The following ISX variants were observed in gnomAD, a reference collection of about 807,000 sequenced individuals.
ISX encodes the protein intestine specific homeobox, also known as intestine-specific homeobox.
In ISX, 15 loss-of-function variants were observed where a neutral mutation model predicts 16.9. The observed-to-expected ratio is 0.89, with a 90% CI of 0.59 to 1.36. ISX has a LOEUF of 1.36. ISX is among the 40% of genes most tolerant of loss of function. The pLI, the probability that ISX is intolerant of heterozygous loss-of-function variation, is 0.00. For synonymous variants in ISX, 125 were observed against 119.7 expected (o/e 1.04, Z -0.29); for missense variants, 316 against 306.1 (o/e 1.03, Z -0.24).
At chr22:35,078,689 A>G (rs1417875014) in intron 2 of ISX, among the ~76,000 whole-genome samples, 2 of 152,238 alleles carry the variant, frequency 1.3e-5, no homozygotes, top group African/African-American at 4.8e-5. Flanking sequence ...TGGATTAACA[A>G]CAAAAATGAG....
intron 2 of ISX, among the ~76,000 whole-genome samples, chr22:35,076,542 AG>A (rs1426940349): frequency 6.6e-6 from 1 of 152,126 alleles, no homozygotes; most frequent in Non-Finnish European, 1.5e-5. Context: ...AGCCTACAGG[AG>A]GGCTGCAAAG....
chr22:35,067,323 G>A lies in ISX; in HGVS notation c.229+7G>A, dbSNP rs915123650. The A allele has an allele frequency of 6.5e-7, 1 of 1,543,356 alleles. No homozygotes were observed. The highest frequency in any genetic ancestry group is 8.8e-7 in the Non-Finnish European group (1 of 1,138,436). On this transcript the variant is annotated splice_region_variant and intron_variant, in intron 2 of 4. Transcript: ENST00000404699. The stretch of plus-strand genomic sequence containing the variant: ...CCAAAGGACCAGCCCCAGGGTAAGT[G>A]TCTTCTGATCATTTCTTTCTGTTTC...
chr22:35,081,534 C>T (rs1226850340), intron 2 of ISX, among the ~76,000 whole-genome samples: 1 of 152,194 alleles, frequency 6.6e-6, no homozygotes, highest in Non-Finnish European at 1.5e-5. Flanking sequence ...CTCATAACCT[C>T]CCAGCTTCTC....
chr22:35,066,986 C>T lies in ISX; in HGVS notation c.-102C>T, dbSNP rs1928714805. On this transcript the variant is annotated 5_prime_UTR_variant, in exon 2 of 5. Transcript: ENST00000404699. ...CTAACTGGAGGCTCTCTGTTCTTCACCTCCACGCGCCCTCTTGACCCCAGG... is the reference window on the plus strand; with the variant it reads ...CTAACTGGAGGCTCTCTGTTCTTCATCTCCACGCGCCCTCTTGACCCCAGG... 6 of 768,908 alleles carry T rather than the reference C, an allele frequency of 7.8e-6. No individual in the cohort carries two copies. Among genetic ancestry groups the T allele is most frequent in the Non-Finnish European group, 1.3e-5 (6 of 470,250 alleles). The allele number at this position is 768,908 out of a possible 1,614,324, so 47.6% of individuals were successfully genotyped here.
chr22:35,068,042 T>C (rs1928751642), intron 2 of ISX, among the ~76,000 whole-genome samples: 1 of 152,204 alleles, frequency 6.6e-6, no homozygotes, highest in African/African-American at 2.4e-5. Flanking sequence ...ACCCAGGATG[T>C]GAGTCTTAGC....
rs1929248065 is a variant in ISX at position 35,086,031 on chromosome 22, C to T, written c.*338C>T. On this transcript the variant is annotated 3_prime_UTR_variant, in exon 5 of 5. Coordinates refer to ENST00000404699, the MANE Select transcript of ISX (RefSeq NM_001303508.2). ...TGACCTCCAGCCGGTCACTCACCCT[C>T]TCTGGACCTCATCTGTAAGAGGAGC... 2 of 362,150 alleles carry T rather than the reference C, an allele frequency of 5.5e-6. No homozygotes were observed. The highest frequency in any genetic ancestry group is 4.2e-5 in the African/African-American group (2 of 47,986). 22.4% of individuals were successfully genotyped at this position (362,150 alleles called of 1,614,324 possible).
intron 2 of ISX, among the ~76,000 whole-genome samples, chr22:35,068,653 G>A (rs961383328): frequency 6.6e-6 from 1 of 152,160 alleles, no homozygotes; most frequent in African/African-American, 2.4e-5. Flanking sequence ...CCCCTAGCCC[G>A]ATGACGGCAG....
At chr22:35,068,591 C>A (rs1928768423) in intron 2 of ISX, among the ~76,000 whole-genome samples, 1 of 152,194 alleles carries the variant, frequency 6.6e-6, no homozygotes, top group South Asian at 2.1e-4. Context: ...TCTATGATCA[C>A]CCTGTGTCAT....
In ISX at chr22:35,067,158, C is replaced by G; in HGVS notation, c.71C>G (p.Pro24Arg). ...ERNSLGCCEA[P>R]KKLSLSFSIE... The stretch of plus-strand genomic sequence containing the variant: ...AATAGCTTGGGGTGCTGTGAGGCCC[C>G]GAAGAAGCTGAGCCTGTCCTTCTCC... Residue 24 changes from proline to arginine, a missense_variant, in exon 2 of 5, where the codon CCG (proline) becomes CGG (arginine). Coordinates refer to ENST00000404699, the MANE Select transcript of ISX (RefSeq NM_001303508.2). The G allele has an allele frequency of 6.2e-7, 1 of 1,613,572 alleles. No individual in the cohort carries two copies. Among genetic ancestry groups the G allele is most frequent in the Non-Finnish European group, 8.5e-7 (1 of 1,179,630 alleles).
chr22:35,085,374 C>G, intron 4 of ISX, 80 bp from the exon 5 acceptor site: 1 of 1,566,338 alleles, frequency 6.4e-7, no homozygotes, highest in Non-Finnish European at 8.8e-7. Flanking sequence ...CTTAGCTGCC[C>G]AAGCCATGGA....
chr22:35,085,970 A>C lies in ISX; in HGVS notation c.*277A>C. 2.1e-6 allele frequency: 1 copy of C among 485,386 alleles called. No homozygotes were observed. The highest frequency in any genetic ancestry group is 2.1e-5 in the South Asian group (1 of 46,908). The allele number at this position is 485,386 out of a possible 1,614,324, so 30.1% of individuals were successfully genotyped here. ...GGCCGAGCTCTGAAATAGGGAGGTA[A>C]TCCTCCAGCACCTGTGTTTCCTCTA... is the stretch of plus-strand genomic sequence containing the variant. On this transcript the variant is annotated 3_prime_UTR_variant, in exon 5 of 5. Transcript: ENST00000404699.
intron 2 of ISX, among the ~76,000 whole-genome samples, chr22:35,068,997 G>A (rs183151882): frequency 7.2e-5 from 11 of 152,210 alleles, no homozygotes; most frequent in African/African-American, 1.2e-4. Context: ...AAATCCATCC[G>A]TCTCCCACTA....
At chr22:35,080,667 G>A (rs988892875) in intron 2 of ISX, among the ~76,000 whole-genome samples, 1 of 152,146 alleles carries the variant, frequency 6.6e-6, no homozygotes, top group Non-Finnish European at 1.5e-5. Context: ...ACCACTAGAG[G>A]GGTTTGATTC....
intron 2 of ISX, among the ~76,000 whole-genome samples, chr22:35,081,392 G>C (rs983716070): frequency 6.6e-6 from 1 of 152,214 alleles, no homozygotes; most frequent in Non-Finnish European, 1.5e-5. Flanking sequence ...CCTGTGCTTA[G>C]AAGGAGGCCC....
chr22:35,070,876 T>C (rs1928833675), intron 2 of ISX, among the ~76,000 whole-genome samples: 1 of 152,222 alleles, frequency 6.6e-6, no homozygotes, highest in African/African-American at 2.4e-5. Context: ...ATTTTAAGCT[T>C]TGATGGTCAG....
At chr22:35,079,689 G>A (rs1929077625) in intron 2 of ISX, among the ~76,000 whole-genome samples, 1 of 152,158 alleles carries the variant, frequency 6.6e-6, no homozygotes, top group Non-Finnish European at 1.5e-5. Context: ...AAGGAATGTG[G>A]AAAAAATCAG....
intron 2 of ISX, among the ~76,000 whole-genome samples, chr22:35,069,054 G>A (rs944180507): frequency 2.6e-5 from 4 of 152,140 alleles, no homozygotes; most frequent in African/African-American, 7.2e-5. Context: ...TCCCACTGGC[G>A]GCTCTCAAGA....
intron 2 of ISX, among the ~76,000 whole-genome samples, chr22:35,068,593 C>A (rs1362158334): frequency 1.3e-5 from 2 of 152,220 alleles, no homozygotes; most frequent in South Asian, 2.1e-4. Flanking sequence ...TATGATCACC[C>A]TGTGTCATGA....
chr22:35,085,626 T>C lies in ISX; in HGVS notation c.671T>C (p.Ile224Thr), dbSNP rs1406237838. Residue 224 changes from isoleucine to threonine, a missense_variant, in exon 5 of 5, where the codon ATC becomes ACC. Transcript: ENST00000404699. ...VPGLPIHQTC[I>T]PVLCILPPPH... is the part of the protein sequence containing the mutation. ...GGTCTTCCCATCCATCAAACTTGCA[T>C]CCCTGTGCTATGCATCCTTCCACCT... The C allele has an allele frequency of 2.5e-6, 4 of 1,614,088 alleles. No homozygotes were observed. The African/African-American group carries it at 5.3e-5, about 22-fold the overall frequency.
Sources: gnomAD v4.1 joint callset for allele counts (sites outside exome capture counted in the v4.1 genomes callset) on GRCh38, gnomAD v4.1.1 for gene constraint, MANE v1.5 for transcripts, NCBI Gene and HGNC (gene_info 2026-07-23, HGNC 2026-07-21) for gene names.